Variants in TXN observed in about 807,000 individuals in gnomAD.
TXN encodes thioredoxin.
A neutral mutation model predicts 16.5 loss-of-function variants in TXN; 10 were observed. That is an observed-to-expected ratio of 0.61 (90% CI 0.37 to 1.03). The LOEUF (loss-of-function observed/expected upper bound fraction) is 1.03, where lower values mean the gene tolerates loss of function less well. Ranked by LOEUF, TXN falls within the 50% of genes least tolerant of loss-of-function variation. TXN has a pLI of 0.01. For synonymous variants in TXN, 35 were observed against 39.4 expected, an observed-to-expected ratio of 0.89 and a Z score of 0.42; for missense variants, 71 against 122.5, an observed-to-expected ratio of 0.58 and a Z score of 1.98.
At position 110,256,041 on chromosome 9, in the gene TXN, G is replaced by C. The variant is rs544902704; in HGVS notation, c.24+371C>G. 1.3e-5 allele frequency among the ~76,000 whole-genome samples: 2 copies of C among 152,326 alleles called. No homozygotes were observed. Among genetic ancestry groups the C allele is most frequent in the East Asian group, 3.9e-4 (2 of 5,168 alleles). ...CCTCCAGTCGGGGCTGCCCGGACGG[G>C]AGGGTGCAGGAGGCGCAGCGTGGGG... On this transcript the variant is annotated intron_variant, in intron 1 of 4. Transcript: ENST00000374517. This position sits in a 1 kb window ranked among gnomAD's most constrained non-coding sequence, Gnocchi z 4.2.
intron 1 of TXN, among the ~76,000 whole-genome samples, chr9:110,253,915 G>GT (rs1460556717): frequency 1.3e-5 from 2 of 152,054 alleles, no homozygotes; most frequent in Non-Finnish European, 2.9e-5. Flanking sequence ...TGTAGTTGGG[G>GT]TAAATAGGAG....
At chr9:110,253,822 T>G (rs1837771746) in intron 1 of TXN, among the ~76,000 whole-genome samples, 1 of 152,124 alleles carries the variant, frequency 6.6e-6, no homozygotes, top group South Asian at 2.1e-4. Flanking sequence ...TAAGAAGAAA[T>G]CACAATTTCT....
intron 1 of TXN, among the ~76,000 whole-genome samples, chr9:110,252,233 A>AG (rs755020357): frequency 1.3e-5 from 2 of 150,224 alleles, no homozygotes; most frequent in Non-Finnish European, 3.0e-5. Context: ...CAAAAAAAAA[A>AG]AAAAAAAAAA....
intron 3 of TXN, among the ~76,000 whole-genome samples, chr9:110,247,044 C>T (rs1010342697): frequency 1.3e-5 from 2 of 152,252 alleles, no homozygotes; most frequent in Non-Finnish European, 2.9e-5. Context: ...ACTTTCAGGC[C>T]AGGCACGGTA....
intron 1 of TXN, among the ~76,000 whole-genome samples, chr9:110,254,437 G>A (rs1330093383): frequency 6.6e-6 from 1 of 152,190 alleles, no homozygotes; most frequent in Admixed American, 6.5e-5. Context: ...CAAGAGAATC[G>A]CTTGAACTCA....
intron 1 of TXN, among the ~76,000 whole-genome samples, chr9:110,255,728 C>T (rs1455023680): frequency 2.0e-5 from 3 of 152,362 alleles, no homozygotes; most frequent in East Asian, 3.9e-4. Context: ...CCTGGACAGA[C>T]CTGCACGTGC....
At position 110,256,302 on chromosome 9, in the gene TXN, G is replaced by A. The variant is rs1587926690; in HGVS notation, c.24+110C>T. ...CCCTTTCCCCTGGCGATGCGGAGGGGCGGCCTCCGCACCTCCCGCCACCGC... is the reference window on the plus strand; with the variant it reads ...CCCTTTCCCCTGGCGATGCGGAGGGACGGCCTCCGCACCTCCCGCCACCGC... On this transcript the variant is annotated intron_variant, in intron 1 of 4. Coordinates refer to ENST00000374517, the MANE Select transcript of TXN (RefSeq NM_003329.4). This position sits in a 1 kb window ranked among gnomAD's most constrained non-coding sequence, Gnocchi z 4.2. The A allele has an allele frequency of 1.7e-6, 2 of 1,180,794 alleles. No individual in the cohort carries two copies. The highest frequency in any genetic ancestry group is 1.3e-5 in the South Asian group (1 of 76,524). 73.1% of individuals were successfully genotyped at this position (1,180,794 alleles called of 1,614,324 possible).
intron 1 of TXN, among the ~76,000 whole-genome samples, chr9:110,255,995 C>A (rs1226591411): frequency 6.6e-6 from 1 of 152,192 alleles, no homozygotes; most frequent in African/African-American, 2.4e-5. Flanking sequence ...CAAGGGCGGA[C>A]CCCTTCCATT....
intron 1 of TXN, among the ~76,000 whole-genome samples, chr9:110,255,694 C>A (rs556072801): frequency 3.3e-5 from 5 of 152,340 alleles, no homozygotes; most frequent in Non-Finnish European, 7.4e-5. Context: ...CACTTCCTCG[C>A]GGTCACCTGG....
Position 110,249,932 on chromosome 9 carries a change from G to A in TXN, c.189+888C>T, listed in dbSNP as rs560688430. Among the ~76,000 whole-genome samples, 8 of 152,180 alleles carry A rather than the reference G, an allele frequency of 5.3e-5. No individual in the cohort carries two copies. In the East Asian group the frequency reaches 5.8e-4, roughly 11 times the overall value. On this transcript the variant is annotated intron_variant, in intron 3 of 4. Transcript: ENST00000374517. ...TGCCACACTGCACCCTTCCCCCATC[G>A]CCTTTCCTTCTCCACTAGGGCTAAG...
intron 2 of TXN, 137 bp from the exon 3 acceptor site, chr9:110,251,016 T>C (rs536766646): frequency 6.3e-5 from 42 of 671,880 alleles, no homozygotes; most frequent in African/African-American, 5.8e-4. Flanking sequence ...TTTGGAGACA[T>C]AGATCTAAGA....
rs951838664 is a variant in TXN at position 110,256,064 on chromosome 9, G to A, written c.24+348C>T. Among the ~76,000 whole-genome samples, 9 of 152,180 alleles carry A rather than the reference G, an allele frequency of 5.9e-5. No individual in the cohort carries two copies. The highest frequency in any genetic ancestry group is 1.2e-4 in the Non-Finnish European group (8 of 67,994). On this transcript the variant is annotated intron_variant, in intron 1 of 4. Coordinates refer to ENST00000374517, the MANE Select transcript of TXN (RefSeq NM_003329.4). This position sits in a 1 kb window ranked among gnomAD's most constrained non-coding sequence, Gnocchi z 4.2. ...GGGAGGGTGCAGGAGGCGCAGCGTG[G>A]GGACTCCTCACGCTGTCTGCGCTCT...
chr9:110,244,665 C>T (rs561630736), intron 4 of TXN, 113 bp downstream of exon 4: 103 of 915,178 alleles, frequency 1.1e-4, no homozygotes, highest in Non-Finnish European at 1.6e-4. Context: ...TTCTTAAAAG[C>T]AGAACTTGGT....
chr9:110,249,819 G>A (rs1837704634), intron 3 of TXN, among the ~76,000 whole-genome samples: 1 of 152,154 alleles, frequency 6.6e-6, no homozygotes, highest in African/African-American at 2.4e-5. Context: ...AGGTTGATGG[G>A]GCAGGTCTTA....
Position 110,256,080 on chromosome 9 carries a change from T to G in TXN, c.24+332A>C, listed in dbSNP as rs1015054887. 5.3e-5 allele frequency among the ~76,000 whole-genome samples: 8 copies of G among 152,286 alleles called. No individual in the cohort carries two copies. The South Asian group carries it at 1.7e-3, about 32-fold the overall frequency. ...CGCAGCGTGGGGACTCCTCACGCTG[T>G]CTGCGCTCTCACATCCCCCGGACGC... On this transcript the variant is annotated intron_variant, in intron 1 of 4. Coordinates refer to ENST00000374517, the MANE Select transcript of TXN (RefSeq NM_003329.4). This position sits in a 1 kb window ranked among gnomAD's most constrained non-coding sequence, Gnocchi z 4.2.
intron 1 of TXN, among the ~76,000 whole-genome samples, chr9:110,252,223 C>CAAAAAAAAAAAAAAAAAA (rs377246017): frequency 4.1e-4 from 24 of 58,384 alleles, no homozygotes; most frequent in African/African-American, 2.1e-3. Context: ...GACTCTGTCG[C>CAAAAAAAAAAAAAAAAAA]AAAAAAAAAA....
chr9:110,253,464 C>T (rs1449471203), intron 1 of TXN, among the ~76,000 whole-genome samples: 1 of 152,110 alleles, frequency 6.6e-6, no homozygotes, highest in Non-Finnish European at 1.5e-5. Context: ...AAAGTTAAAC[C>T]AGGCATCCTT....
chr9:110,244,009 G>A lies in TXN; in HGVS notation c.*148C>T, dbSNP rs1273685863. 18 of 360,646 alleles carry A rather than the reference G, an allele frequency of 5.0e-5. No homozygotes were observed. Among genetic ancestry groups the A allele is most frequent in the Admixed American group, 1.4e-4 (3 of 21,010 alleles). The allele number at this position is 360,646 out of a possible 1,614,324, so 22.3% of individuals were successfully genotyped here. On this transcript the variant is annotated 3_prime_UTR_variant, in exon 5 of 5. Transcript: ENST00000374517. ...TTTATTTTGAAAGCTATTCAGACAT[G>A]AGACGGTTTTAAAAAGTGTTAGCAT...
chr9:110,245,128 A>C (rs911313067), intron 3 of TXN: 2 of 262,422 alleles, frequency 7.6e-6, no homozygotes, highest in East Asian at 7.5e-5. Flanking sequence ...TACTCCAGCG[A>C]TCCAATATGC....
Sources: gnomAD v4.1 joint callset for allele counts (sites outside exome capture counted in the v4.1 genomes callset) on GRCh38, gnomAD v4.1.1 for gene constraint, Gnocchi (gnomAD v3.1) non-coding constraint, MANE v1.5 for transcripts, NCBI Gene and HGNC (gene_info 2026-07-23, HGNC 2026-07-21) for gene names.